Variants in SYNE3 observed in about 807,000 individuals in gnomAD.
The protein encoded by SYNE3 is nesprin-3.
Under a neutral mutation model 111.2 loss-of-function variants are expected in SYNE3, and 100 were observed. The observed-to-expected ratio is 0.90, with a 90% confidence interval of 0.77 to 1.06. The LOEUF (loss-of-function observed/expected upper bound fraction) is 1.06, where lower values mean the gene tolerates loss of function less well. Among genes scored for constraint, SYNE3 ranks in the 50% least tolerant of loss-of-function variants. The pLI is 0.00. For missense variants in SYNE3, 1,160 were observed against 1,240.3 expected (o/e 0.94, Z 0.97); for synonymous variants, 547 against 533.9 (o/e 1.02, Z -0.34).
intron 1 of SYNE3, among the ~76,000 whole-genome samples, chr14:95,510,523 G>A (rs117665843): frequency 0.059 from 8,928 of 152,304 alleles, 316 homozygotes; most frequent in South Asian, 0.076. Context: ...GCACTTGGTC[G>A]GGTTTGGTGG....
rs930521694 is a variant in SYNE3, at chr14:95,413,779, T to C, written c.*4047A>G. On this transcript the variant is annotated 3_prime_UTR_variant, in exon 18 of 18. Coordinates refer to ENST00000682763, the MANE Select transcript of SYNE3 (RefSeq NM_152592.6). ...TGAGAGATGGAATTGGGTCAGGTCA[T>C]CCTTGACCCATTTCCTCTGGAAGGG... is the stretch of plus-strand genomic sequence containing the variant. 3 of 152,226 alleles carry C rather than the reference T, an allele frequency of 2.0e-5. No homozygotes were observed. The highest frequency in any genetic ancestry group is 7.2e-5 in the African/African-American group (3 of 41,434). The allele number at this position is 152,226 out of a possible 1,614,324, so 9.4% of individuals were successfully genotyped here.
intron 14 of SYNE3, chr14:95,438,307 T>A (rs1224408510): frequency 6.6e-6 from 1 of 152,270 alleles, no homozygotes; most frequent in African/African-American, 2.4e-5. Flanking sequence ...CTCAAACTCC[T>A]GACCTCAAGC....
chr14:95,451,741 G>A (rs1332372844), intron 7 of SYNE3: 1 of 151,886 alleles, frequency 6.6e-6, no homozygotes, highest in African/African-American at 2.4e-5. Flanking sequence ...GTGAAGACAG[G>A]TAACAGATTT....
intron 17 of SYNE3, among the ~76,000 whole-genome samples, chr14:95,426,015 T>C (rs928954315): frequency 3.9e-5 from 6 of 152,170 alleles, no homozygotes; most frequent in African/African-American, 1.4e-4. Context: ...AGTGAAGAAG[T>C]AGCTACTGGG....
chr14:95,452,207 GCACACCCTGAGTCCCAC>G (rs1887128150), intron 7 of SYNE3, 23 bp downstream of exon 7: 2 of 1,507,598 alleles, frequency 1.3e-6, no homozygotes, highest in African/African-American at 2.8e-5. Context: ...GTGGGTTCCA[GCACACCCTGAGTCCCAC>G]CACCCTTGGC....
chr14:95,514,936 C>T (rs1361177884), intron 1 of SYNE3, among the ~76,000 whole-genome samples: 2 of 152,356 alleles, frequency 1.3e-5, no homozygotes, highest in African/African-American at 4.8e-5. Context: ...TCCATGGCTG[C>T]TGGAGAGCAT....
chr14:95,417,850 G>A lies in SYNE3; in HGVS notation c.2904C>T (p.Arg968=), dbSNP rs1903630544. Residue 968 remains arginine, a synonymous_variant, in exon 18 of 18, where the codon CGC becomes CGT. Transcript: ENST00000682763. The stretch of plus-strand genomic sequence containing the variant: ...GTTAGGTGGGTGGTGGGCCATTGTA[G>A]CGCAGCATGAGCGTGAAGGAGCGGG... The part of the protein sequence containing the change: ...NFARSFTLML[R]YNGPPPT 6.2e-7 allele frequency: 1 copy of A among 1,614,242 alleles called. No individual in the cohort carries two copies. Among genetic ancestry groups the A allele is most frequent in the East Asian group, 2.2e-5 (1 of 44,886 alleles).
At chr14:95,471,865 A>G (rs1888549999) in intron 2 of SYNE3, among the ~76,000 whole-genome samples, 1 of 152,172 alleles carries the variant, frequency 6.6e-6, no homozygotes, top group Admixed American at 6.5e-5. Flanking sequence ...CCTTGGAGAG[A>G]AGTATCAGGA....
At position 95,465,911 on chromosome 14, in the gene SYNE3, CCA is replaced by C. The variant is rs1888133721; in HGVS notation, c.627+18_627+19del. 6.5e-7 allele frequency: 1 copy of C among 1,549,924 alleles called. No individual in the cohort carries two copies. On this transcript the variant is annotated intron_variant, in intron 4 of 17. Coordinates refer to ENST00000682763, the MANE Select transcript of SYNE3 (RefSeq NM_152592.6). ...ATGGATGGGTGGGTGAGGATGTAGCCCACTCAGCCTCACCCTCACCTGGGCCT... is the reference window on the plus strand; with the variant it reads ...ATGGATGGGTGGGTGAGGATGTAGCCCTCAGCCTCACCCTCACCTGGGCCT...
chr14:95,498,283 C>T (rs532842343), intron 1 of SYNE3, among the ~76,000 whole-genome samples: 3 of 152,120 alleles, frequency 2.0e-5, no homozygotes, highest in East Asian at 1.9e-4. Context: ...CTCCACCTAC[C>T]GGGTTCAAGC....
Position 95,455,640 on chromosome 14 carries a change from G to T in SYNE3, c.874C>A (p.Pro292Thr). The stretch of plus-strand genomic sequence containing the variant: ...CCGGTGATCTTCTCTGCACCCAAAG[G>T]AGAGGTGTTCCGAATGACACCCGCA... Reference protein sequence around the residue: ...QSAGVIRNTSPLGAEKITGEL... With the variant: ...QSAGVIRNTSTLGAEKITGEL... Residue 292 changes from proline (P) to threonine (T), a missense_variant, in exon 6 of 18, where the codon CCT (proline) becomes ACT (threonine). By Grantham distance (38) the Pro-to-Thr change is conservative. Transcript: ENST00000682763. 3.1e-6 allele frequency: 5 copies of T among 1,614,194 alleles called. No homozygotes were observed. Among genetic ancestry groups the T allele is most frequent in the Non-Finnish European group, 4.2e-6 (5 of 1,180,038 alleles).
chr14:95,443,443 A>C (rs566969951), intron 10 of SYNE3, among the ~76,000 whole-genome samples, 154 bp from the exon 11 acceptor site: 1 of 152,210 alleles, frequency 6.6e-6, no homozygotes, highest in Non-Finnish European at 1.5e-5. Flanking sequence ...TACCAACCAC[A>C]TGGCTGGTCT....
Position 95,409,534 on chromosome 14 carries a change from T to C in SYNE3, c.*8292A>G. 2.6e-6 allele frequency: 1 copy of C among 391,572 alleles called. No individual in the cohort carries two copies. Among genetic ancestry groups the C allele is most frequent in the Non-Finnish European group, 5.0e-6 (1 of 199,220 alleles). 24.3% of individuals were successfully genotyped at this position (391,572 alleles called of 1,614,324 possible). ...ATTGCTGTCTCTCGGCTGGACAAGG[T>C]GGTTGGGTTGGGGATGATGTTACCA... On this transcript the variant is annotated 3_prime_UTR_variant, in exon 18 of 18. Coordinates refer to ENST00000682763, the MANE Select transcript of SYNE3 (RefSeq NM_152592.6).
In SYNE3 at chr14:95,466,107, A is replaced by C. The variant is rs1390771335; in HGVS notation, c.451T>G (p.Trp151Gly). 1.2e-6 allele frequency: 2 copies of C among 1,612,968 alleles called. No individual in the cohort carries two copies. The highest frequency in any genetic ancestry group is 8.5e-7 in the Non-Finnish European group (1 of 1,179,028). ...ELQLGLKEKQ[W>G]QLSHAQVLLH... ...AGCACCTGGGCGTGGCTCAGCTGCC[A>C]CTGCTTCTCCTTCAGGCCCAGCTGG... is the stretch of plus-strand genomic sequence containing the variant. The change falls in exon 4 of 18, where the codon TGG becomes GGG. Residue 151 changes from tryptophan (W) to glycine (G), a missense_variant. By Grantham distance (184) the Trp-to-Gly change is radical. Coordinates refer to ENST00000682763, the MANE Select transcript of SYNE3 (RefSeq NM_152592.6).
At chr14:95,484,850 T>A (rs1226616032) in intron 1 of SYNE3, among the ~76,000 whole-genome samples, 2 of 152,216 alleles carry the variant, frequency 1.3e-5, no homozygotes, top group African/African-American at 4.8e-5. Context: ...AGAGTTATGA[T>A]TTAAACAAAA....
chr14:95,446,826 T>A (rs980650945), intron 8 of SYNE3, among the ~76,000 whole-genome samples: 1 of 152,102 alleles, frequency 6.6e-6, no homozygotes, highest in African/African-American at 2.4e-5. Context: ...CCTGACCCCA[T>A]TCCCAGCCTA....
rs897638119 is a variant in SYNE3 at position 95,470,032 on chromosome 14, G to A, written c.145-2065C>T. 2.6e-5 allele frequency among the ~76,000 whole-genome samples: 4 copies of A among 152,202 alleles called. No homozygotes were observed. The highest frequency in any genetic ancestry group is 2.6e-4 in the Admixed American group (4 of 15,282). On this transcript the variant is annotated intron_variant, in intron 2 of 17. Coordinates refer to ENST00000682763, the MANE Select transcript of SYNE3 (RefSeq NM_152592.6). This position sits in a 1 kb window ranked among gnomAD's most constrained non-coding sequence, Gnocchi z 4.2. ...GCTCAGGGAGAGTGAAGAATGGGGA[G>A]ATTCCTCAAGAGAGGGAAAGAGGGT...
chr14:95,445,474 G>A (rs1166986183), intron 9 of SYNE3, among the ~76,000 whole-genome samples: 1 of 152,240 alleles, frequency 6.6e-6, no homozygotes, highest in Non-Finnish European at 1.5e-5. Context: ...TTACCTAAAA[G>A]AATAAGCTGT....
intron 1 of SYNE3, among the ~76,000 whole-genome samples, chr14:95,492,067 C>T (rs916162851): frequency 6.6e-6 from 1 of 152,072 alleles, no homozygotes; most frequent in Non-Finnish European, 1.5e-5. Context: ...AAATTAAAAC[C>T]AAAATGGGAT....
Sources: allele counts gnomAD v4.1 joint callset (sites outside exome capture counted in the v4.1 genomes callset), GRCh38; gene constraint gnomAD v4.1.1; non-coding constraint Gnocchi (gnomAD v3.1); transcripts MANE v1.5; gene names NCBI Gene and HGNC (gene_info 2026-07-23, HGNC 2026-07-21).